The following PANK2 variants were observed in gnomAD, a reference collection of about 807,000 sequenced individuals.
PANK2 encodes pantothenate kinase 2.
In PANK2, 36 loss-of-function variants were observed where a neutral mutation model predicts 43.1. The observed-to-expected ratio is 0.84, with a 90% CI of 0.64 to 1.10. The LOEUF (loss-of-function observed/expected upper bound fraction) is 1.10, where lower values mean the gene tolerates loss of function less well. Among genes scored for constraint, PANK2 ranks in the 50% least tolerant of loss-of-function variants. The pLI is 0.00. For missense variants in PANK2, 576 were observed against 593.3 expected (o/e 0.97, Z 0.30); for synonymous variants, 281 against 238.2 (o/e 1.18, Z -1.66).
intron 1 of PANK2, among the ~76,000 whole-genome samples, chr20:3,903,325 T>G (rs1268295946): frequency 1.3e-5 from 2 of 151,570 alleles, no homozygotes; most frequent in Non-Finnish European, 2.9e-5. Context: ...TTTTTGTATT[T>G]TTAGTAGAAA....
At chr20:3,899,286 C>T (rs1353231284) in intron 1 of PANK2, among the ~76,000 whole-genome samples, 2 of 151,810 alleles carry the variant, frequency 1.3e-5, no homozygotes, top group Non-Finnish European at 2.9e-5. Flanking sequence ...ATTCTGCTAC[C>T]TCAGGCTCCC....
intron 1 of PANK2, among the ~76,000 whole-genome samples, chr20:3,895,108 G>A (rs984606616): frequency 6.6e-6 from 1 of 151,714 alleles, no homozygotes. Context: ...GCCAGACCTC[G>A]TCTCTCCAAA....
At chr20:3,922,148 A>G (rs2090656856) in intron 6 of PANK2, among the ~76,000 whole-genome samples, 1 of 152,260 alleles carries the variant, frequency 6.6e-6, no homozygotes. Context: ...TAAAAAATCC[A>G]TACACAAGTC....
At chr20:3,889,884 C>A (rs1448889053) in intron 1 of PANK2, 156 bp downstream of exon 1, 2 of 1,532,638 alleles carry the variant, frequency 1.3e-6, no homozygotes, top group Non-Finnish European at 8.7e-7. Flanking sequence ...GGCTGGAGGC[C>A]TCGGGTGCTC....
chr20:3,889,822 G>T (rs1413623641), intron 1 of PANK2, 94 bp downstream of exon 1: 5 of 1,527,056 alleles, frequency 3.3e-6, no homozygotes, highest in South Asian at 1.2e-5. Context: ...TTTCCCGCGC[G>T]CGGACACTGT....
In PANK2 at chr20:3,889,438, G is replaced by C. The variant is rs1268207892; in HGVS notation, c.8G>C (p.Gly3Ala). Residue 3 changes from glycine to alanine, a missense_variant, in exon 1 of 7, where the codon GGC becomes GCC. Around this residue, in one of 2 missense-constraint regions of PANK2, gnomAD observed 544 missense variants for 528.9 expected, o/e 1.03. Transcript: ENST00000610179. The stretch of plus-strand genomic sequence containing the variant: ...GCGAGAAGGAATCCGACGCTGGGGG[G>C]CTTGCTCGGGCGGCAGCGACTGCTG... 2.6e-5 allele frequency: 41 copies of C among 1,557,220 alleles called. No homozygotes were observed. The highest frequency in any genetic ancestry group is 3.4e-5 in the Non-Finnish European group (39 of 1,157,304).
rs182349780 is a variant in PANK2 at position 3,911,186 on chromosome 20, C to T, written c.905+356C>T. Among the ~76,000 whole-genome samples, 79 of 152,320 alleles carry T rather than the reference C, an allele frequency of 5.2e-4. No homozygotes were observed. In the East Asian group the frequency reaches 0.014, roughly 28 times the overall value. ...CTCTGAAACCTGTGTAAATTTCATG[C>T]TTCCACACACATGTGTGTGTAGAAT... On this transcript the variant is annotated intron_variant, in intron 3 of 6. Coordinates refer to ENST00000610179, the MANE Select transcript of PANK2 (RefSeq NM_001386393.1).
chr20:3,902,890 C>T (rs936701235), intron 1 of PANK2, among the ~76,000 whole-genome samples: 21 of 150,762 alleles, frequency 1.4e-4, no homozygotes, highest in African/African-American at 3.9e-4. Context: ...TTTATAACAG[C>T]GTCTTTAATG....
chr20:3,901,434 A>G (rs2090299846), intron 1 of PANK2: 1 of 181,188 alleles, frequency 5.5e-6, no homozygotes, highest in Admixed American at 6.8e-5. Context: ...TGTGAAAGTC[A>G]TTTTTTTTTT....
chr20:3,910,552 T>G (rs767743550), intron 2 of PANK2, 25 bp from the exon 3 acceptor site: 3 of 1,613,936 alleles, frequency 1.9e-6, no homozygotes, highest in Non-Finnish European at 2.5e-6. Flanking sequence ...TTAAAAAGTC[T>G]GAGTACATTC....
At chr20:3,890,368 T>G (rs2090101701) in intron 1 of PANK2, among the ~76,000 whole-genome samples, 1 of 152,224 alleles carries the variant, frequency 6.6e-6, no homozygotes, top group Non-Finnish European at 1.5e-5. Context: ...TAAGGCTCTT[T>G]GTTTTGAGGG....
chr20:3,896,964 C>T (rs2090219387), intron 1 of PANK2, among the ~76,000 whole-genome samples: 1 of 152,194 alleles, frequency 6.6e-6, no homozygotes, highest in African/African-American at 2.4e-5. Flanking sequence ...CCCAGATTGG[C>T]AACTGGTGTC....
intron 6 of PANK2, among the ~76,000 whole-genome samples, chr20:3,920,681 C>CA (rs1428207551): frequency 2.0e-5 from 3 of 151,998 alleles, no homozygotes; most frequent in East Asian, 1.9e-4. Flanking sequence ...CCTGTCTCTA[C>CA]AAAAAATACA....
chr20:3,892,137 A>G (rs2146813731), intron 1 of PANK2, among the ~76,000 whole-genome samples: 1 of 152,162 alleles, frequency 6.6e-6, no homozygotes, highest in East Asian at 1.9e-4. Context: ...GGAGTTCGAG[A>G]CCAGAGACCA....
chr20:3,889,142 G>A (rs1389176309), upstream of PANK2: 3 of 1,571,066 alleles, frequency 1.9e-6, no homozygotes, highest in East Asian at 7.1e-5. Flanking sequence ...TCCATTGGGC[G>A]GCGCCGCCAT....
At chr20:3,888,968 G>GTAGAT, upstream of PANK2, 42 of 682,324 alleles carry the variant, frequency 6.2e-5, no homozygotes, top group Admixed American at 2.2e-4. Flanking sequence ...CGGGAGCACT[G>GTAGAT]CTGGGCTGGA....
At position 3,922,067 on chromosome 20, in the gene PANK2, G is replaced by A. The variant is rs6052172; in HGVS notation, c.1333-1177G>A. On this transcript the variant is annotated intron_variant, in intron 6 of 6. Coordinates refer to ENST00000610179, the MANE Select transcript of PANK2 (RefSeq NM_001386393.1). The stretch of plus-strand genomic sequence containing the variant: ...GTGACAAGAAAGCCTTTGGCCTCTC[G>A]TTTGATCAGGTTTCTTGAAGAAGCT... 5.6e-3 allele frequency among the ~76,000 whole-genome samples: 847 copies of A among 152,280 alleles called. 7 individuals carry two copies. Among genetic ancestry groups the A allele is most frequent in the African/African-American group, 0.019 (785 of 41,560 alleles).
At chr20:3,912,930 CAAAAAAAAA>C (rs71331078) in intron 4 of PANK2, among the ~76,000 whole-genome samples, 5 of 71,492 alleles carry the variant, frequency 7.0e-5, no homozygotes, top group African/African-American at 2.7e-4. Flanking sequence ...GACTCTGTCT[CAAAAAAAAA>C]AAAAAAAAAA....
At chr20:3,921,482 C>CAG (rs2090646441) in intron 6 of PANK2, 1 of 150,964 alleles carries the variant, frequency 6.6e-6, no homozygotes, top group South Asian at 2.1e-4. Context: ...GGACCCCCCC[C>CAG]ATATATATAT....
Sources: allele counts gnomAD v4.1 joint callset (sites outside exome capture counted in the v4.1 genomes callset), GRCh38; gene constraint gnomAD v4.1.1; regional missense constraint gnomAD v4.1.1; transcripts MANE v1.5; gene names NCBI Gene and HGNC (gene_info 2026-07-23, HGNC 2026-07-21).